MAST4: variants seen among roughly 807,000 people sequenced by gnomAD.
MAST4 encodes the protein microtubule-associated serine/threonine-protein kinase 4.
MAST4 carries 89 observed loss-of-function variants against 162.7 expected under a neutral mutation model. The ratio of observed to expected loss-of-function variants is 0.55; its 90% CI spans 0.46 to 0.65. MAST4 has a LOEUF of 0.65. Among genes scored for constraint, MAST4 ranks in the 30% least tolerant of loss-of-function variants. MAST4 has a pLI of 0.00. For missense variants in MAST4, 3,153 were observed against 3,374.0 expected (o/e 0.93, Z 1.62); for synonymous variants, 1,479 against 1,361.1 (o/e 1.09, Z -1.91).
chr5:67,095,352 A>G (rs1383985244), intron 6 of MAST4, among the ~76,000 whole-genome samples: 4 of 152,120 alleles, frequency 2.6e-5, no homozygotes, highest in African/African-American at 9.7e-5. Flanking sequence ...GTCAAAGTAT[A>G]TTAGTGAGAC....
chr5:66,978,693 A>G (rs966031663), intron 4 of MAST4, among the ~76,000 whole-genome samples: 1 of 152,206 alleles, frequency 6.6e-6, no homozygotes, highest in African/African-American at 2.4e-5. Context: ...GATGATGTAG[A>G]CATGTATGTT....
rs1443343423 is a variant in MAST4 at position 67,164,103 on chromosome 5, C to T, written c.4924C>T (p.Pro1642Ser). ...CGGGGACTTCAGACGGGCCCCCGCT[C>T]CTGGCACCCTCCAGGATGGTCTCTG... ...GGGDFRRAPA[P>S]GTLQDGLCHS... The change falls in exon 29 of 29, where the codon CCT (proline) becomes TCT (serine). Residue 1642 changes from proline (P) to serine (S), a missense_variant. Pro to Ser is a moderately conservative substitution (Grantham distance 74). This residue lies in a region of MAST4 where 1,644 missense variants were observed against 1,495.0 expected (regional missense o/e 1.10). Coordinates refer to ENST00000403625, the MANE Select transcript of MAST4 (RefSeq NM_001164664.2). The surrounding 1 kb of genome is among the most constrained non-coding windows in gnomAD (Gnocchi z 5.3). The T allele has an allele frequency of 4.4e-6, 7 of 1,582,120 alleles. No individual in the cohort carries two copies. Among genetic ancestry groups the T allele is most frequent in the Non-Finnish European group, 6.0e-6 (7 of 1,162,924 alleles).
At chr5:67,084,417 G>A (rs1763013916) in intron 5 of MAST4, among the ~76,000 whole-genome samples, 1 of 152,210 alleles carries the variant, frequency 6.6e-6, no homozygotes. Context: ...GTATCTATCA[G>A]TAGATGTTTA....
intron 18 of MAST4, among the ~76,000 whole-genome samples, chr5:67,135,588 G>A (rs2151009924): frequency 6.6e-6 from 1 of 152,294 alleles, no homozygotes; most frequent in East Asian, 1.9e-4. Flanking sequence ...TTGCATATTT[G>A]TAAACTTTAA....
At chr5:66,597,849 A>G (rs1024172935) in intron 1 of MAST4, among the ~76,000 whole-genome samples, 1 of 151,964 alleles carries the variant, frequency 6.6e-6, no homozygotes, top group African/African-American at 2.4e-5. Context: ...CTTTTGGAGG[A>G]CAGTTAAAGA....
Position 67,160,385 on chromosome 5 carries a change from A to G in MAST4, c.3649-71A>G, listed in dbSNP as rs1773048933. 4.3e-6 allele frequency: 6 copies of G among 1,399,250 alleles called. No individual in the cohort carries two copies. In the South Asian group the frequency reaches 9.8e-5, roughly 23 times the overall value. 86.7% of individuals were successfully genotyped at this position (1,399,250 alleles called of 1,614,324 possible). A position where few individuals can be genotyped will look rare whatever the true frequency, so the allele number is the denominator to read the frequency against. ...CCTTTCTATTTGTATTTGTCTATGA[A>G]TCTCTCATCTCTGTTCTGATCTTGC... On this transcript the variant is annotated intron_variant, in intron 26 of 28. Coordinates refer to ENST00000403625, the MANE Select transcript of MAST4 (RefSeq NM_001164664.2).
intron 3 of MAST4, among the ~76,000 whole-genome samples, chr5:66,815,298 A>T (rs1254950060): frequency 6.6e-6 from 1 of 152,228 alleles, no homozygotes; most frequent in African/African-American, 2.4e-5. Context: ...AATTAGTAAC[A>T]TATTCCCCCC....
intron 3 of MAST4, among the ~76,000 whole-genome samples, chr5:66,831,691 G>A (rs1358469120): frequency 1.3e-5 from 2 of 152,180 alleles, no homozygotes; most frequent in African/African-American, 4.8e-5. Context: ...TCTATGGACT[G>A]TATTCATATT....
At chr5:67,057,813 A>G (rs963238515) in intron 5 of MAST4, among the ~76,000 whole-genome samples, 2 of 152,164 alleles carry the variant, frequency 1.3e-5, no homozygotes, top group Non-Finnish European at 1.5e-5. Context: ...GCCAGTTTAC[A>G]TGAAGAAATT....
At chr5:67,015,692 G>T (rs1330128057) in intron 4 of MAST4, among the ~76,000 whole-genome samples, 1 of 152,156 alleles carries the variant, frequency 6.6e-6, no homozygotes, top group Non-Finnish European at 1.5e-5. Context: ...CACTAAAGAG[G>T]AGTCAAGTGA....
intron 2 of MAST4, among the ~76,000 whole-genome samples, chr5:66,782,827 T>C (rs1245493745): frequency 6.6e-6 from 1 of 152,206 alleles, no homozygotes; most frequent in Non-Finnish European, 1.5e-5. Context: ...AATAATGCCA[T>C]TGACAGATGC....
chr5:66,875,297 A>G (rs1761220204), intron 3 of MAST4, among the ~76,000 whole-genome samples: 1 of 152,226 alleles, frequency 6.6e-6, no homozygotes, highest in Admixed American at 6.5e-5. Flanking sequence ...TGTAAACTTT[A>G]TAAAAGCCTT....
chr5:67,140,137 A>G (rs1262585909), intron 19 of MAST4, among the ~76,000 whole-genome samples: 2 of 152,208 alleles, frequency 1.3e-5, no homozygotes, highest in Non-Finnish European at 2.9e-5. Flanking sequence ...ATGTGGCCCC[A>G]TGAGCAGCAG....
chr5:66,647,011 C>T (rs977573462), intron 1 of MAST4, among the ~76,000 whole-genome samples: 1 of 152,166 alleles, frequency 6.6e-6, no homozygotes, highest in Admixed American at 6.6e-5. Context: ...TATATGCCCT[C>T]TGCTTCCAAA....
chr5:66,693,049 A>G (rs567891352), intron 1 of MAST4, among the ~76,000 whole-genome samples: 37 of 151,308 alleles, frequency 2.4e-4, no homozygotes, highest in South Asian at 1.3e-3. Flanking sequence ...AATATCCACA[A>G]TAGTACAAAG....
chr5:66,619,901 A>G (rs1743961405), intron 1 of MAST4, among the ~76,000 whole-genome samples: 1 of 151,688 alleles, frequency 6.6e-6, no homozygotes, highest in Non-Finnish European at 1.5e-5. Flanking sequence ...TAAAGAAAAA[A>G]GTGTTTTATA....
chr5:66,990,863 T>C (rs550170427), intron 4 of MAST4, among the ~76,000 whole-genome samples: 122 of 152,286 alleles, frequency 8.0e-4, no homozygotes, highest in African/African-American at 2.7e-3. Context: ...GAAACAGATA[T>C]AGTTTTATTT....
At chr5:66,930,736 C>G (rs935992762) in intron 4 of MAST4, 2 of 470,748 alleles carry the variant, frequency 4.2e-6, no homozygotes, top group Non-Finnish European at 8.8e-6. Context: ...TCTGGGTTCA[C>G]TGTCTTTCAG....
At chr5:66,861,435 CTGT>C (rs1760111421) in intron 3 of MAST4, among the ~76,000 whole-genome samples, 1 of 152,144 alleles carries the variant, frequency 6.6e-6, no homozygotes, top group Non-Finnish European at 1.5e-5. Flanking sequence ...ATGGAGGTAG[CTGT>C]TATTATCCCC....
Sources: allele counts gnomAD v4.1 joint callset (sites outside exome capture counted in the v4.1 genomes callset), GRCh38; gene constraint gnomAD v4.1.1; regional missense constraint gnomAD v4.1.1; non-coding constraint Gnocchi (gnomAD v3.1); transcripts MANE v1.5; gene names NCBI Gene and HGNC (gene_info 2026-07-23, HGNC 2026-07-21).